PDE1A: variants seen among roughly 807,000 people sequenced by gnomAD.
PDE1A encodes dual specificity calcium/calmodulin-dependent 3',5'-cyclic nucleotide phosphodiesterase 1A.
Under a neutral mutation model 61.7 loss-of-function variants are expected in PDE1A, and 35 were observed. The observed-to-expected ratio is 0.57, with a 90% CI of 0.43 to 0.75. The LOEUF is 0.75. Ranked by LOEUF, PDE1A falls within the 30% of genes least tolerant of loss-of-function variation. The pLI is 0.00. For missense variants in PDE1A, 597 were observed against 630.6 expected (o/e 0.95, Z 0.57); for synonymous variants, 232 against 213.2 (o/e 1.09, Z -0.77).
At chr2:182,373,906 G>T (rs1317812394) in intron 1 of PDE1A, among the ~76,000 whole-genome samples, 2 of 152,208 alleles carry the variant, frequency 1.3e-5, no homozygotes, top group Admixed American at 6.5e-5. Context: ...TCATTGAGTT[G>T]CCAAATCATG....
intron 2 of PDE1A, among the ~76,000 whole-genome samples, chr2:182,444,444 C>T (rs925616740): frequency 6.6e-6 from 1 of 152,068 alleles, no homozygotes; most frequent in Non-Finnish European, 1.5e-5. Context: ...TTTCCTGTCT[C>T]ATTTTGTACA....
At chr2:182,672,150 T>C in the PDE1A span, among the ~76,000 whole-genome samples, 1 of 152,230 alleles carries the variant, frequency 6.6e-6, no homozygotes, top group Non-Finnish European at 1.5e-5. Context: ...GAGGATGTAG[T>C]AGGTATTTTT....
At chr2:182,386,945 C>T (rs1574518505) in intron 1 of PDE1A, among the ~76,000 whole-genome samples, 1 of 152,330 alleles carries the variant, frequency 6.6e-6, no homozygotes, top group Middle Eastern at 3.4e-3. Flanking sequence ...GAGAATGGGC[C>T]ATGATGACGA....
chr2:182,224,033 A>G, intron 6 of PDE1A, 69 bp from the exon 7 acceptor site: 1 of 952,262 alleles, frequency 1.1e-6, no homozygotes, highest in Non-Finnish European at 1.7e-6. Flanking sequence ...TTTGAAAAGG[A>G]CTTTCAGTGC....
intron 1 of PDE1A, among the ~76,000 whole-genome samples, chr2:182,340,640 T>C (rs969502857): frequency 6.6e-6 from 1 of 152,210 alleles, no homozygotes; most frequent in Non-Finnish European, 1.5e-5. Context: ...TGCATGACTA[T>C]GTTATATATA....
intron 2 of PDE1A, among the ~76,000 whole-genome samples, chr2:182,243,907 G>A (rs995745829): frequency 1.3e-5 from 2 of 152,116 alleles, no homozygotes; most frequent in Non-Finnish European, 2.9e-5. Context: ...CGCTCTTGAT[G>A]CCCAGGCTGG....
At chr2:182,642,322 AAAC>A in the PDE1A span, among the ~76,000 whole-genome samples, 33 of 152,366 alleles carry the variant, frequency 2.2e-4, no homozygotes, top group African/African-American at 7.7e-4. Flanking sequence ...CCAGGAATTT[AAAC>A]AACATCATCA....
chr2:182,519,278 T>G lies in PDE1A; in HGVS notation c.101+2998A>C, dbSNP rs1311041380. ...AAACGATTGATAACTTATGGCCAAG[T>G]ATATAATTCTTTTTAAATCTAATTT... On this transcript the variant is annotated intron_variant, in intron 2 of 14. Transcript: ENST00000410103. 2.6e-5 allele frequency among the ~76,000 whole-genome samples: 4 copies of G among 152,096 alleles called. No homozygotes were observed. In the East Asian group the frequency reaches 7.7e-4, roughly 29 times the overall value.
At chr2:182,647,510 T>C in the PDE1A span, among the ~76,000 whole-genome samples, 1 of 152,130 alleles carries the variant, frequency 6.6e-6, no homozygotes, top group African/African-American at 2.4e-5. Context: ...AATTTAAGGG[T>C]TATTGAGGTA....
intron 1 of PDE1A, among the ~76,000 whole-genome samples, chr2:182,375,487 C>T (rs773211034): frequency 2.6e-5 from 4 of 152,346 alleles, no homozygotes; most frequent in Non-Finnish European, 5.9e-5. Context: ...CCAGGTCACA[C>T]TGATTCAAGA....
At chr2:182,349,274 A>T (rs1426625533) in intron 1 of PDE1A, among the ~76,000 whole-genome samples, 6 of 152,188 alleles carry the variant, frequency 3.9e-5, no homozygotes, top group Admixed American at 3.9e-4. Context: ...CAGGATAAAC[A>T]TAGAATCTGT....
the PDE1A span, among the ~76,000 whole-genome samples, chr2:182,599,284 C>T: frequency 6.6e-6 from 1 of 152,166 alleles, no homozygotes; most frequent in African/African-American, 2.4e-5. Flanking sequence ...GGGCTGTCAA[C>T]TAAAGCAGCT....
the PDE1A span, among the ~76,000 whole-genome samples, chr2:182,662,626 G>A: frequency 6.6e-6 from 1 of 152,122 alleles, no homozygotes; most frequent in African/African-American, 2.4e-5. Flanking sequence ...TGGAATAACT[G>A]GCCAGCTATA....
At chr2:182,170,696 A>C (rs1229217045) in intron 13 of PDE1A, among the ~76,000 whole-genome samples, 1 of 152,036 alleles carries the variant, frequency 6.6e-6, no homozygotes, top group Non-Finnish European at 1.5e-5. Context: ...GATAATATCT[A>C]AATTGTAGGG....
rs1426023362 is a variant in PDE1A, at chr2:182,168,175, CATA to C, written c.*69_*71del. The C allele has an allele frequency of 4.1e-5, 63 of 1,544,060 alleles. No homozygotes were observed. In the South Asian group the frequency reaches 7.6e-4, roughly 19 times the overall value. ...CAGGACAGGGTAGATTTCCAGCAAGCATAATCAAAATCTCCAAGTCTTTTGGTC... is the reference window on the plus strand; with the variant it reads ...CAGGACAGGGTAGATTTCCAGCAAGCATCAAAATCTCCAAGTCTTTTGGTC... On this transcript the variant is annotated 3_prime_UTR_variant, in exon 14 of 14. Coordinates refer to ENST00000351439, the Ensembl canonical transcript of PDE1A.
chr2:182,409,633 G>A (rs1702497678), intron 1 of PDE1A, among the ~76,000 whole-genome samples: 1 of 152,160 alleles, frequency 6.6e-6, no homozygotes, highest in Non-Finnish European at 1.5e-5. Flanking sequence ...GCCTGTGGGT[G>A]CCTGTTTGCT....
At chr2:182,682,925 TG>T in the PDE1A span, among the ~76,000 whole-genome samples, 1 of 152,138 alleles carries the variant, frequency 6.6e-6, no homozygotes, top group East Asian at 1.9e-4. Context: ...TGTCTGTGCA[TG>T]TTGTACTCCT....
At chr2:182,143,570 C>G (rs1456504422), downstream of PDE1A, among the ~76,000 whole-genome samples, 2 of 152,028 alleles carry the variant, frequency 1.3e-5, no homozygotes, top group African/African-American at 4.8e-5. Flanking sequence ...GGCTGGAGTG[C>G]AGTGGCGCCA....
chr2:182,435,239 C>A (rs1296704084), intron 2 of PDE1A, among the ~76,000 whole-genome samples: 2 of 152,020 alleles, frequency 1.3e-5, no homozygotes, highest in African/African-American at 2.4e-5. Context: ...ACATACAAAT[C>A]TACTATTAAA....
Sources: gnomAD v4.1 joint callset for allele counts (sites outside exome capture counted in the v4.1 genomes callset) on GRCh38, gnomAD v4.1.1 for gene constraint, MANE v1.5 for transcripts, NCBI Gene and HGNC (gene_info 2026-07-23, HGNC 2026-07-21) for gene names.